AKAP13: variants seen among roughly 807,000 people sequenced by gnomAD.
The protein encoded by AKAP13 is A-kinase anchoring protein 13.
Under a neutral mutation model 264.5 loss-of-function variants are expected in AKAP13, and 80 were observed. That is an observed-to-expected ratio of 0.30 (90% CI 0.25 to 0.36). The LOEUF is 0.36. Ranked by LOEUF, AKAP13 falls within the 10% of genes least tolerant of loss-of-function variation. AKAP13 has a pLI of 1.00. For missense variants in AKAP13, 3,712 were observed against 3,435.2 expected (o/e 1.08, Z -2.01); for synonymous variants, 1,380 against 1,250.2 (o/e 1.10, Z -2.19).
chr15:85,567,785 T>C (rs1406690263), intron 5 of AKAP13, among the ~76,000 whole-genome samples: 1 of 152,212 alleles, frequency 6.6e-6, no homozygotes, highest in Non-Finnish European at 1.5e-5. Context: ...AGAAATACTT[T>C]GTTTACTCGT....
At chr15:85,497,287 C>G (rs754555927) in intron 2 of AKAP13, among the ~76,000 whole-genome samples, 3 of 152,172 alleles carry the variant, frequency 2.0e-5, no homozygotes, top group East Asian at 1.9e-4. Context: ...GGAAGGGGCT[C>G]AGATGCATGC....
intron 17 of AKAP13, among the ~76,000 whole-genome samples, chr15:85,704,397 A>C (rs892364694): frequency 6.6e-6 from 1 of 152,238 alleles, no homozygotes. Context: ...TTCTTCCGAA[A>C]GATAAAAAAC....
chr15:85,646,707 C>G (rs1233460678), intron 10 of AKAP13, among the ~76,000 whole-genome samples: 2 of 152,178 alleles, frequency 1.3e-5, no homozygotes, highest in Non-Finnish European at 2.9e-5. Context: ...ATCACTCATC[C>G]TCATCTAGCC....
rs752520766 is a variant in AKAP13 at position 85,575,203 on chromosome 15, G to A, written c.735G>A (p.Arg245=). ...YEIPYGDCSV[R]HHRELDIYTL... is the part of the protein sequence containing the mutation. ...TACCGTATGGAGACTGTTCTGTGAG[G>A]CATCATCGAGAGTTGGACATCTATA... Residue 245 remains arginine, a synonymous_variant, in exon 6 of 37, where the codon AGG becomes AGA. Coordinates refer to ENST00000394518, the MANE Select transcript of AKAP13 (RefSeq NM_007200.5). 3 of 1,614,108 alleles carry A rather than the reference G, an allele frequency of 1.9e-6. No individual in the cohort carries two copies. In the Admixed American group the frequency reaches 5.0e-5, roughly 27 times the overall value.
At chr15:85,669,633 C>G in intron 13 of AKAP13, 89 bp from the exon 14 acceptor site, 1 of 945,568 alleles carries the variant, frequency 1.1e-6, no homozygotes, top group Non-Finnish European at 1.6e-6. Context: ...CCTTATTTTA[C>G]TATGTGGGTC....
At chr15:85,389,209 C>CTATG (rs2070735691) in intron 1 of AKAP13, among the ~76,000 whole-genome samples, 1 of 152,142 alleles carries the variant, frequency 6.6e-6, no homozygotes, top group Non-Finnish European at 1.5e-5. Flanking sequence ...TTCTGGAGCT[C>CTATG]CTTTTTCATA....
intron 8 of AKAP13, among the ~76,000 whole-genome samples, chr15:85,611,694 A>C (rs2080633015): frequency 6.6e-6 from 1 of 151,912 alleles, no homozygotes; most frequent in African/African-American, 2.4e-5. Context: ...CTTGCTAACA[A>C]CTCTTCGATT....
At chr15:85,392,737 TC>T (rs1233554592) in intron 1 of AKAP13, among the ~76,000 whole-genome samples, 8 of 152,152 alleles carry the variant, frequency 5.3e-5, no homozygotes, top group Non-Finnish European at 8.8e-5. Context: ...CCATAACAGT[TC>T]CTGGAAAAAT....
chr15:85,736,207 CTTTTT>C lies in AKAP13; in HGVS notation c.7557+81_7557+85del, dbSNP rs878904305. On this transcript the variant is annotated intron_variant, in intron 33 of 36. Coordinates refer to ENST00000394518, the MANE Select transcript of AKAP13 (RefSeq NM_007200.5). The stretch of plus-strand genomic sequence containing the variant: ...GTCAAGTTAGGAATATTGTTTTTTC[CTTTTT>C]TTTTTTTCTTTTTGCTGTTACAAAG... 4.2e-3 allele frequency: 4,473 copies of C among 1,058,016 alleles called. 15 individuals carry two copies. Among genetic ancestry groups the C allele is most frequent in the Non-Finnish European group, 5.5e-3 (4,080 of 746,706 alleles). 65.5% of individuals were successfully genotyped at this position (1,058,016 alleles called of 1,614,324 possible).
chr15:85,544,043 G>T (rs757469051), intron 5 of AKAP13, 88 bp downstream of exon 5: 1 of 1,498,322 alleles, frequency 6.7e-7, no homozygotes, highest in African/African-American at 1.4e-5. Flanking sequence ...GCATCTCATT[G>T]TGTGTTTGCC....
chr15:85,634,378 G>T (rs1260625975), intron 8 of AKAP13, among the ~76,000 whole-genome samples: 1 of 152,118 alleles, frequency 6.6e-6, no homozygotes, highest in Non-Finnish European at 1.5e-5. Context: ...CAAGGCTTCT[G>T]TCTTTGAGCA....
intron 15 of AKAP13, 22 bp from the exon 16 acceptor site, chr15:85,684,719 C>G (rs1332777558): frequency 1.9e-6 from 3 of 1,595,712 alleles, no homozygotes; most frequent in African/African-American, 1.3e-5. Context: ...TAAAAAAAAT[C>G]AATCTTCTTG....
At position 85,511,629 on chromosome 15, in the gene AKAP13, T is replaced by A. The variant is rs141529195; in HGVS notation, c.34-9799T>A. Among the ~76,000 whole-genome samples the A allele has an allele frequency of 1.6e-3, 245 of 152,166 alleles. 2 individuals carry two copies. The highest frequency in any genetic ancestry group is 2.9e-3 in the Non-Finnish European group (196 of 68,006). ...AGTCACTTGTCATATTTCATCAAAT[T>A]ATTATTATTGTTAATTTGAGAGACA... is the stretch of plus-strand genomic sequence containing the variant. On this transcript the variant is annotated intron_variant, in intron 2 of 36. Coordinates refer to ENST00000394518, the MANE Select transcript of AKAP13 (RefSeq NM_007200.5).
rs921236669 is a variant in AKAP13 at position 85,708,151 on chromosome 15, G to C, written c.5532+65G>C. 8.1e-6 allele frequency: 12 copies of C among 1,474,650 alleles called. No homozygotes were observed. The African/African-American group carries it at 1.5e-4, about 19-fold the overall frequency. 91.3% of individuals were successfully genotyped at this position (1,474,650 alleles called of 1,614,324 possible). On this transcript the variant is annotated intron_variant, in intron 18 of 36. Transcript: ENST00000394518. This position sits in a 1 kb window ranked among gnomAD's most constrained non-coding sequence, Gnocchi z 4.3. ...GTTTAAACCAGCAAAATCCTCGGGA[G>C]TTGGGAGAGTTGAGGTTGTGGTGGA...
chr15:85,726,361 A>G lies in AKAP13; in HGVS notation c.6746-49A>G, dbSNP rs1242210332. 6.0e-6 allele frequency: 9 copies of G among 1,503,484 alleles called. No individual in the cohort carries two copies. In the South Asian group the frequency reaches 1.0e-4, roughly 17 times the overall value. The allele number at this position is 1,503,484 out of a possible 1,614,324, so 93.1% of individuals were successfully genotyped here. Reference sequence around the variant, plus strand: ...AAAAACCTTCTGACTGTGGGTAACTATTAAGTAGTCATCGTTTTATCTTCC... The same window carrying G: ...AAAAACCTTCTGACTGTGGGTAACTGTTAAGTAGTCATCGTTTTATCTTCC... On this transcript the variant is annotated intron_variant, in intron 26 of 36. Coordinates refer to ENST00000394518, the MANE Select transcript of AKAP13 (RefSeq NM_007200.5).
chr15:85,686,191 A>ATGTGTGTGTG (rs55994240), intron 16 of AKAP13, among the ~76,000 whole-genome samples: 7 of 151,468 alleles, frequency 4.6e-5, no homozygotes, highest in Admixed American at 2.6e-4. Context: ...ACGTGCATGC[A>ATGTGTGTGTG]TGTGTGTGTG....
intron 1 of AKAP13, among the ~76,000 whole-genome samples, chr15:85,442,693 C>T (rs1234995337): frequency 6.6e-6 from 1 of 151,362 alleles, no homozygotes; most frequent in Non-Finnish European, 1.5e-5. Flanking sequence ...AAAAAACTTT[C>T]TTCCCCTATC....
intron 2 of AKAP13, among the ~76,000 whole-genome samples, chr15:85,512,451 G>C (rs1310485285): frequency 6.6e-6 from 1 of 151,982 alleles, no homozygotes. Flanking sequence ...CGACTTGCTT[G>C]CTATGTAACA....
intron 11 of AKAP13, 111 bp from the exon 12 acceptor site, chr15:85,658,426 A>G (rs1254985718): frequency 3.5e-6 from 3 of 856,454 alleles, no homozygotes; most frequent in African/African-American, 3.4e-5. Flanking sequence ...TGCCTGTGCC[A>G]TTTCTCTTTG....
Sources: gnomAD v4.1 joint callset for allele counts (sites outside exome capture counted in the v4.1 genomes callset) on GRCh38, gnomAD v4.1.1 for gene constraint, Gnocchi (gnomAD v3.1) non-coding constraint, MANE v1.5 for transcripts, NCBI Gene and HGNC (gene_info 2026-07-23, HGNC 2026-07-21) for gene names.